The following ITGAE variants were observed in gnomAD, a reference collection of about 807,000 sequenced individuals.
The protein encoded by ITGAE is integrin alpha-E.
Under a neutral mutation model 136.5 loss-of-function variants are expected in ITGAE, and 99 were observed. The ratio of observed to expected loss-of-function variants is 0.73; its 90% CI spans 0.62 to 0.86. The LOEUF (loss-of-function observed/expected upper bound fraction) is 0.86. Among genes scored for constraint, ITGAE ranks in the 40% least tolerant of loss-of-function variants. The probability of loss-of-function intolerance (pLI) is 0.00; values close to 1 mark genes in which losing one functional copy is unlikely to be tolerated. For missense variants in ITGAE, 1,447 were observed against 1,515.3 expected (o/e 0.95, Z 0.75); for synonymous variants, 613 against 591.8 (o/e 1.04, Z -0.52).
chr17:3,800,700 A>T (rs1417228440), intron 1 of ITGAE, among the ~76,000 whole-genome samples: 2 of 151,992 alleles, frequency 1.3e-5, no homozygotes, highest in Non-Finnish European at 2.9e-5. Flanking sequence ...CAGGGTCCTC[A>T]CCCTCATCAG....
chr17:3,767,237 C>T (rs1396997452), intron 2 of ITGAE, among the ~76,000 whole-genome samples: 2 of 152,110 alleles, frequency 1.3e-5, no homozygotes, highest in African/African-American at 4.8e-5. Context: ...GCTGCGATTA[C>T]AGGCGCCCGC....
chr17:3,743,758 A>C, intron 18 of ITGAE, 141 bp from the exon 19 acceptor site: 2 of 846,336 alleles, frequency 2.4e-6, no homozygotes, highest in Non-Finnish European at 1.7e-6. Context: ...GCTGGAGTGC[A>C]GTGGCGTGAT....
Position 3,772,258 on chromosome 17 carries a change from G to A in ITGAE, c.155+5282C>T, listed in dbSNP as rs145843095. Among the ~76,000 whole-genome samples, 36 of 152,176 alleles carry A rather than the reference G, an allele frequency of 2.4e-4. 1 individual carries two copies. The highest frequency in any genetic ancestry group is 4.9e-4 in the Non-Finnish European group (33 of 68,024). On this transcript the variant is annotated intron_variant, in intron 2 of 30. Coordinates refer to ENST00000263087, the MANE Select transcript of ITGAE (RefSeq NM_002208.5). ...ACGTCCCCCAACAGAGCTGTTATTC[G>A]GTGGGGTCATTGTCACTCTTGTCAT...
In ITGAE at chr17:3,760,222, T is replaced by C; in HGVS notation, c.664A>G (p.Lys222Glu). The C allele has an allele frequency of 6.2e-7, 1 of 1,613,930 alleles. No homozygotes were observed. Among genetic ancestry groups the C allele is most frequent in the African/African-American group, 1.3e-5 (1 of 74,990 alleles). ...SIDPPDFQRA[K>E]DFISNMMRNF... ...CTCATCATGTTGGAGATGAAGTCTT[T>C]GGCTCTCTGAAAGTCTGGGGGATCA... Residue 222 changes from lysine to glutamate, a missense_variant, in exon 7 of 31, where the codon AAA becomes GAA. Physicochemically the swap from Lys to Glu is moderately conservative, Grantham distance 56. This residue lies in a region of ITGAE where 310 missense variants were observed against 416.1 expected (regional missense o/e 0.74). Transcript: ENST00000263087.
chr17:3,796,120 C>CGTGT lies in ITGAE; in HGVS notation c.34+4990_34+4991insACAC, dbSNP rs528247106. Among the ~76,000 whole-genome samples the CGTGT allele has an allele frequency of 4.0e-3, 504 of 125,860 alleles. 11 individuals carry two copies. The highest frequency in any genetic ancestry group is 6.5e-3 in the African/African-American group (205 of 31,504). The allele number at this position is 125,860 out of a possible 152,430, so 82.6% of individuals were successfully genotyped here. A position where few individuals can be genotyped will look rare whatever the true frequency, so the allele number is the denominator to read the frequency against. ...GTGTGTGTGCATCCCTGTGTGCATC[C>CGTGT]CTGTGTGTGCATCCATGTGTGTGCA... On this transcript the variant is annotated intron_variant, in intron 1 of 30. Transcript: ENST00000263087.
chr17:3,733,967 G>A (rs559248025), intron 21 of ITGAE, among the ~76,000 whole-genome samples: 1 of 152,214 alleles, frequency 6.6e-6, no homozygotes, highest in Non-Finnish European at 1.5e-5. Context: ...TCTACCTCAG[G>A]TGGAAACAGA....
intron 1 of ITGAE, among the ~76,000 whole-genome samples, chr17:3,788,486 G>T (rs1448812535): frequency 1.4e-4 from 20 of 138,888 alleles, no homozygotes; most frequent in African/African-American, 5.3e-4. Context: ...TTTTGGTAGA[G>T]GCGAGGTTTC....
intron 18 of ITGAE, 46 bp from the exon 19 acceptor site, chr17:3,743,663 A>C: frequency 6.5e-7 from 1 of 1,544,922 alleles, no homozygotes; most frequent in African/African-American, 1.4e-5. Context: ...GATGTGGGGG[A>C]GAAGATGACA....
intron 2 of ITGAE, among the ~76,000 whole-genome samples, chr17:3,773,071 T>C (rs561992064): frequency 6.6e-6 from 1 of 152,326 alleles, no homozygotes; most frequent in Admixed American, 6.5e-5. Flanking sequence ...AGCCGCCGGT[T>C]ATTTCACCTG....
chr17:3,794,154 T>A (rs573445145), intron 1 of ITGAE, among the ~76,000 whole-genome samples: 4 of 152,170 alleles, frequency 2.6e-5, no homozygotes, highest in African/African-American at 7.2e-5. Context: ...AATTTTTGTA[T>A]TTTTAGTAGA....
chr17:3,789,455 CCCCTCCCTCCCT>C (rs535855175), intron 1 of ITGAE, among the ~76,000 whole-genome samples: 1 of 149,048 alleles, frequency 6.7e-6, no homozygotes, highest in East Asian at 2.0e-4. Context: ...TCCTTCCTCC[CCCCTCCCTCCCT>C]CCCTCCCTTC....
intron 2 of ITGAE, among the ~76,000 whole-genome samples, chr17:3,776,652 G>A (rs1423404538): frequency 6.6e-6 from 1 of 151,986 alleles, no homozygotes; most frequent in Non-Finnish European, 1.5e-5. Flanking sequence ...TCGGCCTCCG[G>A]GCCCAAGTGG....
chr17:3,778,251 G>C (rs1009428020), intron 1 of ITGAE, among the ~76,000 whole-genome samples: 32 of 152,140 alleles, frequency 2.1e-4, no homozygotes, highest in African/African-American at 7.5e-4. Context: ...AGATACAGCA[G>C]CGTGATGAAT....
rs1373242586 is a variant in ITGAE at position 3,728,007 on chromosome 17, A to G, written c.2996T>C (p.Phe999Ser). The G allele has an allele frequency of 6.2e-7, 1 of 1,614,032 alleles. No homozygotes were observed. Among genetic ancestry groups the G allele is most frequent in the East Asian group, 2.2e-5 (1 of 44,878 alleles). Residue 999 changes from phenylalanine to serine, a missense_variant, in exon 26 of 31, where the codon TTT becomes TCT. Phe to Ser is a radical substitution (Grantham distance 155). Coordinates refer to ENST00000263087, the MANE Select transcript of ITGAE (RefSeq NM_002208.5). The part of the protein sequence containing the change: ...FLFHVHGENL[F>S]GAEYQLQICV... ...AATTTGCAACTGGTATTCTGCTCCA[A>G]AGAGGTTCTCCCCATGTACCTGCAA...
At chr17:3,729,403 A>G in intron 24 of ITGAE, 75 bp downstream of exon 24, 1 of 897,760 alleles carries the variant, frequency 1.1e-6, no homozygotes, top group Non-Finnish European at 1.9e-6. Flanking sequence ...CACCAGCTCC[A>G]TCTACGAGAG....
intron 1 of ITGAE, among the ~76,000 whole-genome samples, chr17:3,788,673 T>C (rs1161661550): frequency 6.8e-6 from 1 of 147,926 alleles, no homozygotes; most frequent in Non-Finnish European, 1.5e-5. Context: ...TTTCTGTATG[T>C]TGTACTTTTA....
chr17:3,773,266 C>T (rs1033379443), intron 2 of ITGAE, among the ~76,000 whole-genome samples: 9 of 152,016 alleles, frequency 5.9e-5, no homozygotes, highest in Non-Finnish European at 8.8e-5. Flanking sequence ...CCGAGGCGGG[C>T]GGATCACGAG....
chr17:3,723,504 G>T, intron 27 of ITGAE, 121 bp from the exon 28 acceptor site: 1 of 974,816 alleles, frequency 1.0e-6, no homozygotes, highest in Non-Finnish European at 1.6e-6. Flanking sequence ...CAATTTCAGC[G>T]CTCACCTCGG....
chr17:3,760,403 A>AAGTTGG, intron 6 of ITGAE, 116 bp from the exon 7 acceptor site: 1 of 252,054 alleles, frequency 4.0e-6, no homozygotes, highest in Non-Finnish European at 8.0e-6. Flanking sequence ...TTCAGGGAAG[A>AAGTTGG]AGTTGGAGAA....
Sources: gnomAD v4.1 joint callset for allele counts (sites outside exome capture counted in the v4.1 genomes callset) on GRCh38, gnomAD v4.1.1 for gene constraint, gnomAD v4.1.1 regional missense constraint, MANE v1.5 for transcripts, NCBI Gene and HGNC (gene_info 2026-07-23, HGNC 2026-07-21) for gene names.